NISCH: variants seen among roughly 807,000 people sequenced by gnomAD.
NISCH encodes the protein I-1 receptor candidate protein.
NISCH carries 55 observed loss-of-function variants against 138.4 expected under a neutral mutation model. That is an observed-to-expected ratio of 0.40 (90% CI 0.32 to 0.50). The LOEUF is 0.50. Ranked by LOEUF, NISCH falls within the 20% of genes least tolerant of loss-of-function variation. NISCH has a pLI of 0.71. For synonymous variants in NISCH, 860 were observed against 861.5 expected (o/e 1.00, Z 0.03); for missense variants, 1,643 against 2,005.5 (o/e 0.82, Z 3.45).
At chr3:52,460,498 C>A (rs1706603851) in intron 3 of NISCH, among the ~76,000 whole-genome samples, 1 of 151,018 alleles carries the variant, frequency 6.6e-6, no homozygotes, top group South Asian at 2.1e-4. Context: ...AACTCCTGGG[C>A]TCAAGGGATC....
intron 1 of NISCH, among the ~76,000 whole-genome samples, chr3:52,456,215 G>C (rs1453964580): frequency 6.6e-6 from 1 of 152,088 alleles, no homozygotes; most frequent in African/African-American, 2.4e-5. Flanking sequence ...TGGGGAGCCT[G>C]AGGTGGTGGT....
At chr3:52,465,076 G>C (rs60659686) in intron 3 of NISCH, among the ~76,000 whole-genome samples, 1 of 152,210 alleles carries the variant, frequency 6.6e-6, no homozygotes, top group African/African-American at 2.4e-5. Context: ...TCATACATGA[G>C]AAACCATTGC....
At chr3:52,490,864 C>T (rs776182455) in intron 19 of NISCH, 31 bp downstream of exon 19, 29 of 1,612,286 alleles carry the variant, frequency 1.8e-5, no homozygotes, top group East Asian at 1.6e-4. Context: ...TGTCCTATTT[C>T]GGGTGAAGGC....
rs1310444397 is a variant in NISCH at position 52,488,514 on chromosome 3, C to T, written c.3022C>T (p.Leu1008=). ...YNQLRASLQD[L]KTVVIAKTPG... ...CCAGCTGCGGGCCTCGCTGCAGGAC[C>T]TGAAGACTGTGGTCATCGCCAAGAC... The change falls in exon 16 of 21, where the codon CTG becomes TTG. Residue 1008 remains leucine, a synonymous_variant. Transcript: ENST00000345716. 1.2e-6 allele frequency: 2 copies of T among 1,613,298 alleles called. No individual in the cohort carries two copies. Among genetic ancestry groups the T allele is most frequent in the South Asian group, 1.1e-5 (1 of 91,090 alleles).
rs1350084080 is a variant in NISCH, at chr3:52,477,735, G to A, written c.987+93G>A. The A allele has an allele frequency of 9.8e-6, 10 of 1,019,368 alleles. No individual in the cohort carries two copies. The African/African-American group carries it at 1.4e-4, about 14-fold the overall frequency. 63.1% of individuals were successfully genotyped at this position (1,019,368 alleles called of 1,614,324 possible). ...CTGACGCAGCCTTGGGAATTGGCCA[G>A]GGGTTGTAAGGGCAGGGGTTGCTGT... On this transcript the variant is annotated intron_variant, in intron 9 of 20. Transcript: ENST00000345716.
At chr3:52,477,511 T>C in intron 8 of NISCH, 63 bp from the exon 9 acceptor site, 1 of 1,415,480 alleles carries the variant, frequency 7.1e-7, no homozygotes, top group East Asian at 2.3e-5. Flanking sequence ...GTCCACTGTG[T>C]CGGGGACCGT....
rs1394561577 is a variant in NISCH, at chr3:52,487,338, C to T, written c.1846C>T (p.Arg616Trp). 19 of 1,613,762 alleles carry T rather than the reference C, an allele frequency of 1.2e-5. No homozygotes were observed. Among genetic ancestry groups the T allele is most frequent in the Non-Finnish European group, 1.4e-5 (16 of 1,180,022 alleles). ...LSTLIRQAIE[R>W]QLPAWIEAAN... ...CACACTGATCCGGCAGGCCATCGAGCGGCAGCTGCCTGCCTGGATCGAGGC... is the reference window on the plus strand; with the variant it reads ...CACACTGATCCGGCAGGCCATCGAGTGGCAGCTGCCTGCCTGGATCGAGGC... The change falls in exon 16 of 21, where the codon CGG becomes TGG. Residue 616 changes from arginine (R) to tryptophan (W), a missense_variant. Coordinates refer to ENST00000345716, the MANE Select transcript of NISCH (RefSeq NM_007184.4). The surrounding 1 kb of genome is among the most constrained non-coding windows in gnomAD (Gnocchi z 9.1).
chr3:52,477,214 C>T (rs1707121926), intron 8 of NISCH, among the ~76,000 whole-genome samples: 1 of 152,174 alleles, frequency 6.6e-6, no homozygotes, highest in Non-Finnish European at 1.5e-5. Context: ...GAAAGAATGA[C>T]ACCCAGAGGG....
At chr3:52,458,010 G>T in intron 2 of NISCH, 84 bp downstream of exon 2, 1 of 980,302 alleles carries the variant, frequency 1.0e-6, no homozygotes, top group Non-Finnish European at 1.6e-6. Flanking sequence ...ATTAGTTTTA[G>T]GGCAAAACAG....
intron 11 of NISCH, 56 bp downstream of exon 11, chr3:52,478,633 C>A: frequency 1.3e-6 from 2 of 1,521,632 alleles, no homozygotes; most frequent in South Asian, 2.3e-5. Flanking sequence ...GCAGTCAAGT[C>A]TGCATGGGCG....
chr3:52,481,520 C>T, intron 13 of NISCH: 1 of 985,498 alleles, frequency 1.0e-6, no homozygotes, highest in Non-Finnish European at 1.2e-6. Context: ...CTGACGCTGC[C>T]TCCTGTAGCG....
intron 3 of NISCH, among the ~76,000 whole-genome samples, chr3:52,466,087 T>G (rs1429935390): frequency 2.0e-5 from 3 of 152,252 alleles, no homozygotes; most frequent in Non-Finnish European, 4.4e-5. Context: ...TTCCATAATT[T>G]GTTTTAGTTG....
intron 20 of NISCH, 45 bp downstream of exon 20, chr3:52,491,558 C>T (rs768302289): frequency 1.1e-5 from 18 of 1,570,234 alleles, no homozygotes; most frequent in East Asian, 6.8e-5. Flanking sequence ...CCTGGACAGA[C>T]GTCATGGGCC....
Position 52,471,873 on chromosome 3 carries a change from G to A in NISCH, c.469G>A (p.Val157Ile), listed in dbSNP as rs183915749. The change falls in exon 5 of 21, where the codon GTC becomes ATC. Residue 157 changes from valine (V) to isoleucine (I), a missense_variant. Transcript: ENST00000345716. ...CATTGGACCCCTGCAGCTGTATGCC[G>A]TCACGGAGCAGCTGCAGCAGGGAAA... is the stretch of plus-strand genomic sequence containing the variant. ...FAIGPLQLYA[V>I]TEQLQQGKPT... 2.0e-4 allele frequency: 318 copies of A among 1,613,766 alleles called. 1 individual carries two copies. In the Admixed American group the frequency reaches 2.0e-3, roughly 10 times the overall value.
At chr3:52,477,846 C>A (rs927367274) in intron 9 of NISCH, 1 of 624,102 alleles carries the variant, frequency 1.6e-6, no homozygotes, top group Non-Finnish European at 2.8e-6. Flanking sequence ...ACAAACCAGG[C>A]ATGATGATGC....
intron 3 of NISCH, among the ~76,000 whole-genome samples, chr3:52,465,898 G>T (rs535024087): frequency 1.9e-4 from 29 of 152,316 alleles, no homozygotes; most frequent in African/African-American, 7.0e-4. Context: ...GGCTGACCAT[G>T]TGCTAGCCAT....
chr3:52,486,682 T>TTA (rs1707409854), intron 15 of NISCH: 1 of 154,838 alleles, frequency 6.5e-6, no homozygotes, highest in Non-Finnish European at 1.4e-5. Context: ...TCCCAAAATG[T>TTA]GTACTCTGAC....
chr3:52,465,680 C>T (rs1041296706), intron 3 of NISCH, among the ~76,000 whole-genome samples: 1 of 152,182 alleles, frequency 6.6e-6, no homozygotes, highest in East Asian at 1.9e-4. Context: ...TCTAGCACAC[C>T]ATGTGGGCCG....
intron 2 of NISCH, among the ~76,000 whole-genome samples, 183 bp from the exon 3 acceptor site, chr3:52,458,479 A>C (rs890361531): frequency 3.9e-5 from 6 of 152,158 alleles, no homozygotes. Context: ...TGGTATTTCT[A>C]ATGCTAATTG....
Sources: gnomAD v4.1 joint callset for allele counts (sites outside exome capture counted in the v4.1 genomes callset) on GRCh38, gnomAD v4.1.1 for gene constraint, Gnocchi (gnomAD v3.1) non-coding constraint, MANE v1.5 for transcripts, NCBI Gene and HGNC (gene_info 2026-07-23, HGNC 2026-07-21) for gene names.